The following KDM8 variants were observed in gnomAD, a reference collection of about 807,000 sequenced individuals.
KDM8 encodes the protein bifunctional peptidase and arginyl-hydroxylase JMJD5.
Under a neutral mutation model 46.9 loss-of-function variants are expected in KDM8, and 35 were observed. The ratio of observed to expected loss-of-function variants is 0.75; its 90% confidence interval spans 0.57 to 0.99. KDM8 has a LOEUF of 0.99. Among genes scored for constraint, KDM8 ranks in the 50% least tolerant of loss-of-function variants. The probability of loss-of-function intolerance (pLI) is 0.00; values close to 1 mark genes in which losing one functional copy is unlikely to be tolerated. For synonymous variants in KDM8, 232 were observed against 227.7 expected, an observed-to-expected ratio of 1.02 and a Z score of -0.17; for missense variants, 475 against 537.0, an observed-to-expected ratio of 0.88 and a Z score of 1.14.
chr16:27,204,200 G>C (rs1022878036), intron 1 of KDM8: 3 of 1,467,808 alleles, frequency 2.0e-6, no homozygotes, highest in South Asian at 2.6e-5. Context: ...CTGGGGCCTG[G>C]GTGTGTGACT....
At chr16:27,215,301 C>T (rs144494385) in intron 4 of KDM8, among the ~76,000 whole-genome samples, 44 of 152,256 alleles carry the variant, frequency 2.9e-4, no homozygotes, top group Middle Eastern at 6.8e-3. Context: ...TAATAGCAGC[C>T]AGGCATGGTG....
chr16:27,209,034 C>T (rs1468671885), intron 1 of KDM8, among the ~76,000 whole-genome samples: 1 of 152,220 alleles, frequency 6.6e-6, no homozygotes, highest in Non-Finnish European at 1.5e-5. Flanking sequence ...TGTAGTTTGG[C>T]ACAAATTGCT....
chr16:27,212,396 G>T (rs565308121), intron 2 of KDM8, among the ~76,000 whole-genome samples: 1 of 152,158 alleles, frequency 6.6e-6, no homozygotes, highest in Non-Finnish European at 1.5e-5. Flanking sequence ...TTTACAGACA[G>T]GGTCTTGCCC....
Position 27,220,730 on chromosome 16 carries a change from G to A in KDM8, c.1251G>A (p.Ter417=). The change falls in exon 8 of 8, where the codon TAG becomes TAA. Residue 417 remains the stop codon, a stop_retained_variant. Transcript: ENST00000286096. ...TCTCGGTCAGCTTCTGGTGGTCGTA[G>A]CCAGGATAGGAGCTGAAAGGGCCTG... ...LSFSVSFWWS[*] 1 of 1,614,174 alleles carries A rather than the reference G, an allele frequency of 6.2e-7. No individual in the cohort carries two copies. Among genetic ancestry groups the A allele is most frequent in the Non-Finnish European group, 8.5e-7 (1 of 1,180,042 alleles).
intron 1 of KDM8, among the ~76,000 whole-genome samples, chr16:27,206,782 C>T (rs532291386): frequency 1.7e-4 from 26 of 152,290 alleles, no homozygotes; most frequent in Admixed American, 6.5e-4. Context: ...ACCTGTGGCT[C>T]GCACCTGACC....
intron 4 of KDM8, 40 bp downstream of exon 4, chr16:27,215,048 C>CT (rs1373399895): frequency 6.2e-7 from 1 of 1,609,702 alleles, no homozygotes; most frequent in East Asian, 2.2e-5. Flanking sequence ...ACTTGCAAGG[C>CT]AGAGAGCATA....
chr16:27,216,047 C>G (rs1455006355), intron 5 of KDM8, 58 bp downstream of exon 5: 5 of 1,578,034 alleles, frequency 3.2e-6, no homozygotes, highest in Admixed American at 1.7e-5. Context: ...CTCTCCTCCC[C>G]TCCTGGGCTC....
intron 1 of KDM8, chr16:27,204,473 T>A: frequency 3.1e-6 from 2 of 652,402 alleles, no homozygotes; most frequent in Non-Finnish European, 4.3e-6. Flanking sequence ...AGCTCTTGTT[T>A]TTGCACAATT....
chr16:27,219,010 G>A lies in KDM8; in HGVS notation c.893G>A (p.Gly298Asp), dbSNP rs2083586869. 3 of 1,614,120 alleles carry A rather than the reference G, an allele frequency of 1.9e-6. No homozygotes were observed. Among genetic ancestry groups the A allele is most frequent in the African/African-American group, 1.3e-5 (1 of 75,026 alleles). ...DISIPDYCSL[G>D]DGEEEEITIN... ...AGCATCCCCGACTACTGCAGCCTGG[G>A]CGATGGGGAGGAGGAGGAAATCACC... The change falls in exon 6 of 8, where the codon GGC becomes GAC. Residue 298 changes from glycine to aspartate, a missense_variant. Gly to Asp is a moderately conservative substitution (Grantham distance 94). Transcript: ENST00000286096.
intron 4 of KDM8, among the ~76,000 whole-genome samples, chr16:27,215,560 A>G (rs1231344109): frequency 6.6e-6 from 1 of 152,192 alleles, no homozygotes; most frequent in Admixed American, 6.5e-5. Flanking sequence ...CAGCTTGGAC[A>G]ATAGAACCAG....
chr16:27,209,441 G>A (rs907513328), intron 1 of KDM8, among the ~76,000 whole-genome samples: 1 of 152,220 alleles, frequency 6.6e-6, no homozygotes, highest in Admixed American at 6.5e-5. Flanking sequence ...TGGCCAGGCT[G>A]GTCTTGAATT....
At position 27,211,122 on chromosome 16, in the gene KDM8, T is replaced by TC. The variant is rs1491280278; in HGVS notation, c.498+501_498+502insC. The TC allele has an allele frequency of 3.8e-4, 56 of 147,988 alleles. 1 individual carries two copies. Among genetic ancestry groups the TC allele is most frequent in the African/African-American group, 1.6e-3 (39 of 23,896 alleles). The allele number at this position is 147,988 out of a possible 1,614,324, so 9.2% of individuals were successfully genotyped here. A position where few individuals can be genotyped will look rare whatever the true frequency, so the allele number is the denominator to read the frequency against. On this transcript the variant is annotated intron_variant, in intron 2 of 7. Transcript: ENST00000286096. ...GGAACAGCTCCATTCATTTTCTCTC[T>TC]TTTTTTTTTTTTTTTTTGCAAAGGC...
At chr16:27,212,449 G>A (rs1319093438) in intron 2 of KDM8, among the ~76,000 whole-genome samples, 3 of 152,140 alleles carry the variant, frequency 2.0e-5, no homozygotes, top group Non-Finnish European at 2.9e-5. Flanking sequence ...ATAGCTCTCT[G>A]CAGGCCGGGC....
intron 4 of KDM8, 118 bp from the exon 5 acceptor site, chr16:27,215,827 T>G: frequency 2.9e-6 from 3 of 1,030,322 alleles, no homozygotes; most frequent in Non-Finnish European, 4.6e-6. Context: ...CCACTCAGGA[T>G]GGAGTGGAAG....
chr16:27,203,742 C>T (rs894595273), intron 1 of KDM8, 106 bp downstream of exon 1: 1 of 266,716 alleles, frequency 3.7e-6, no homozygotes, highest in Non-Finnish European at 7.2e-6. Flanking sequence ...GCAGCCAAGC[C>T]CGGCCTCGCG....
chr16:27,213,293 C>T (rs961205371), intron 2 of KDM8: 1 of 272,668 alleles, frequency 3.7e-6, no homozygotes, highest in Non-Finnish European at 7.0e-6. Flanking sequence ...ATGAGAAGAC[C>T]TTAAGATGGT....
chr16:27,210,297 G>C lies in KDM8; in HGVS notation c.174G>C (p.Glu58Asp). The change falls in exon 2 of 8, where the codon GAG becomes GAC. Residue 58 changes from glutamate to aspartate, a missense_variant. Transcript: ENST00000286096. ...AGCGAGCCACTGAGCTCTTCTACGA[G>C]GGCAGGAGGGACGAGTGTCTGCAGA... is the stretch of plus-strand genomic sequence containing the variant. ...LLQRATELFY[E>D]GRRDECLQSS... 1.9e-6 allele frequency: 3 copies of C among 1,613,294 alleles called. No individual in the cohort carries two copies. The highest frequency in any genetic ancestry group is 2.5e-6 in the Non-Finnish European group (3 of 1,180,046).
intron 1 of KDM8, among the ~76,000 whole-genome samples, chr16:27,205,317 C>T (rs1301587172): frequency 6.6e-6 from 1 of 152,144 alleles, no homozygotes; most frequent in Non-Finnish European, 1.5e-5. Flanking sequence ...CACATAACAG[C>T]CTATATTCTG....
chr16:27,211,071 G>T, intron 2 of KDM8: 1 of 451,278 alleles, frequency 2.2e-6, no homozygotes, highest in Non-Finnish European at 4.4e-6. Flanking sequence ...GAGCCACCGT[G>T]CTCAGCCCCC....
Sources: allele counts gnomAD v4.1 joint callset (sites outside exome capture counted in the v4.1 genomes callset), GRCh38; gene constraint gnomAD v4.1.1; transcripts MANE v1.5; gene names NCBI Gene and HGNC (gene_info 2026-07-23, HGNC 2026-07-21).